The following CLDN14 variants were observed in gnomAD, a reference collection of about 807,000 sequenced individuals.
The protein encoded by CLDN14 is claudin-14.
In CLDN14, 2 loss-of-function variants were observed where a neutral mutation model predicts 2.1. The observed-to-expected ratio is 0.96, with a 90% CI of 0.39 to 3.01. The LOEUF is 3.01. Among genes scored for constraint, CLDN14 ranks in the 30% most tolerant of loss-of-function variants. The probability of loss-of-function intolerance (pLI) is 0.09; values close to 1 mark genes in which losing one functional copy is unlikely to be tolerated. For synonymous variants in CLDN14, 136 were observed against 154.4 expected, an observed-to-expected ratio of 0.88 and a Z score of 0.88; for missense variants, 298 against 328.0, an observed-to-expected ratio of 0.91 and a Z score of 0.71.
chr21:36,576,275 C>G (rs2087740934), intron 1 of CLDN14: 1 of 152,220 alleles, frequency 6.6e-6, no homozygotes, highest in South Asian at 2.1e-4. Flanking sequence ...TTCTTTCTTT[C>G]CTTGAACTCC....
Position 36,499,312 on chromosome 21 carries a change from T to C in CLDN14, c.-82+11051A>G, listed in dbSNP as rs1054058338. 1.3e-5 allele frequency among the ~76,000 whole-genome samples: 2 copies of C among 152,182 alleles called. No individual in the cohort carries two copies. Among genetic ancestry groups the C allele is most frequent in the Admixed American group, 6.5e-5 (1 of 15,276 alleles). On this transcript the variant is annotated intron_variant, in intron 2 of 2. Coordinates refer to the CLDN14 transcript ENST00000342108. This position sits in a 1 kb window ranked among gnomAD's most constrained non-coding sequence, Gnocchi z 4.7. ...TCGCCCAGGCTGGAGTGCAGTGGTGTGATCTCAGCTCGCTGCAACCTCTGC... is the reference window on the plus strand; with the variant it reads ...TCGCCCAGGCTGGAGTGCAGTGGTGCGATCTCAGCTCGCTGCAACCTCTGC...
At chr21:36,523,075 G>A (rs947986420) in intron 1 of CLDN14, among the ~76,000 whole-genome samples, 1 of 152,154 alleles carries the variant, frequency 6.6e-6, no homozygotes, top group African/African-American at 2.4e-5. Context: ...GACACTCACT[G>A]TCCTGGCTGG....
intron 1 of CLDN14, among the ~76,000 whole-genome samples, chr21:36,523,840 A>AAAGAAAGAAAGAAAGAAAGAAAGAAAGT: frequency 6.9e-6 from 1 of 145,824 alleles, no homozygotes; most frequent in Middle Eastern, 3.6e-3. Context: ...AGAAAGAAAG[A>AAAGAAAGAAAGAAAGAAAGAAAGAAAGT]AAGTGGATTC....
intron 2 of CLDN14, among the ~76,000 whole-genome samples, chr21:36,492,639 A>G (rs920062311): frequency 6.6e-6 from 1 of 152,038 alleles, no homozygotes; most frequent in African/African-American, 2.4e-5. Flanking sequence ...AAACAAAACA[A>G]AACGAAAAAA....
chr21:36,472,869 A>G (rs372882820), intron 1 of CLDN14, among the ~76,000 whole-genome samples: 1 of 152,104 alleles, frequency 6.6e-6, no homozygotes, highest in Non-Finnish European at 1.5e-5. Flanking sequence ...TTGAACCCTA[A>G]TGACCTCCCA....
chr21:36,564,948 C>T (rs1468764149), intron 1 of CLDN14, among the ~76,000 whole-genome samples: 4 of 152,166 alleles, frequency 2.6e-5, no homozygotes, highest in African/African-American at 4.8e-5. Context: ...CAAGTTGATT[C>T]CCCCAGGGCC....
chr21:36,565,400 T>C (rs2087665632), intron 1 of CLDN14, among the ~76,000 whole-genome samples: 1 of 146,784 alleles, frequency 6.8e-6, no homozygotes, highest in African/African-American at 2.5e-5. Flanking sequence ...TGCAGCACTA[T>C]GGTTTCCCTT....
intron 1 of CLDN14, among the ~76,000 whole-genome samples, chr21:36,530,399 CCTT>C (rs1216933574): frequency 6.6e-6 from 1 of 152,268 alleles, no homozygotes; most frequent in Non-Finnish European, 1.5e-5. Flanking sequence ...TCTAGCCTCA[CCTT>C]CATGCAGCAC....
upstream of CLDN14, among the ~76,000 whole-genome samples, chr21:36,484,216 C>T (rs75921250): frequency 0.02 from 3,098 of 152,300 alleles, 40 homozygotes; most frequent in Non-Finnish European, 0.032. Flanking sequence ...GCATGAGGCT[C>T]GGATTCTATT....
At chr21:36,463,383 T>C (rs1568841080) in intron 1 of CLDN14, among the ~76,000 whole-genome samples, 1 of 152,252 alleles carries the variant, frequency 6.6e-6, no homozygotes, top group Non-Finnish European at 1.5e-5. Flanking sequence ...AAAGCGGGTC[T>C]GCAGGGTGTT....
chr21:36,570,250 CAG>C (rs2087700099), intron 1 of CLDN14, among the ~76,000 whole-genome samples: 1 of 152,174 alleles, frequency 6.6e-6, no homozygotes, highest in Admixed American at 6.5e-5. Context: ...GTTTGTCATG[CAG>C]ATGAAGTCTC....
At chr21:36,556,073 G>A (rs1028808115) in intron 1 of CLDN14, among the ~76,000 whole-genome samples, 2 of 152,196 alleles carry the variant, frequency 1.3e-5, no homozygotes, top group Middle Eastern at 3.4e-3. Flanking sequence ...ATTGGTGGTC[G>A]GTGACTAATT....
intron 1 of CLDN14, among the ~76,000 whole-genome samples, chr21:36,521,977 C>T (rs1167741040): frequency 6.6e-6 from 1 of 152,152 alleles, no homozygotes; most frequent in East Asian, 1.9e-4. Context: ...AATTTTCTAT[C>T]AGCAGCAACA....
intron 1 of CLDN14, among the ~76,000 whole-genome samples, chr21:36,534,195 G>A (rs764474525): frequency 3.3e-5 from 5 of 152,050 alleles, no homozygotes; most frequent in Admixed American, 6.5e-5. Flanking sequence ...TCCGCCTCCC[G>A]GGTTCAAGCG....
chr21:36,572,609 C>T (rs2087717520), intron 1 of CLDN14, among the ~76,000 whole-genome samples: 1 of 152,176 alleles, frequency 6.6e-6, no homozygotes, highest in Non-Finnish European at 1.5e-5. Flanking sequence ...TGAACTCTGG[C>T]TAAATTCCTT....
At chr21:36,559,605 AT>A (rs1941660754) in intron 1 of CLDN14, among the ~76,000 whole-genome samples, 1 of 152,234 alleles carries the variant, frequency 6.6e-6, no homozygotes, top group Non-Finnish European at 1.5e-5. Context: ...ATTTCTTAAG[AT>A]TTGAGTGCAA....
intron 2 of CLDN14, chr21:36,486,296 C>G (rs753220670): frequency 2.9e-5 from 23 of 801,738 alleles, no homozygotes. Flanking sequence ...TATGGCCAAA[C>G]TCTTGTTGGC....
chr21:36,570,420 A>C (rs2087701358), intron 1 of CLDN14, among the ~76,000 whole-genome samples: 1 of 152,190 alleles, frequency 6.6e-6, no homozygotes, highest in African/African-American at 2.4e-5. Context: ...GACCTGAACT[A>C]GTTTTTTAGG....
At chr21:36,574,909 C>G (rs1218509148) in intron 1 of CLDN14, among the ~76,000 whole-genome samples, 1 of 152,130 alleles carries the variant, frequency 6.6e-6, no homozygotes, top group African/African-American at 2.4e-5. Flanking sequence ...GTTTCCAATG[C>G]TTCCTTCCCT....
Sources: allele counts gnomAD v4.1 joint callset (sites outside exome capture counted in the v4.1 genomes callset), GRCh38; gene constraint gnomAD v4.1.1; non-coding constraint Gnocchi (gnomAD v3.1); transcripts MANE v1.5; gene names NCBI Gene and HGNC (gene_info 2026-07-23, HGNC 2026-07-21).